ADGRF5: variants seen among roughly 807,000 people sequenced by gnomAD.
ADGRF5 encodes the protein G-protein coupled receptor 116.
In ADGRF5, 75 loss-of-function variants were observed where a neutral mutation model predicts 132.3. The ratio of observed to expected loss-of-function variants is 0.57; its 90% CI spans 0.47 to 0.69. The LOEUF (loss-of-function observed/expected upper bound fraction) is 0.69. Ranked by LOEUF, ADGRF5 falls within the 30% of genes least tolerant of loss-of-function variation. The pLI is 0.00. For synonymous variants in ADGRF5, 629 were observed against 597.6 expected (o/e 1.05, Z -0.77); for missense variants, 1,516 against 1,630.6 (o/e 0.93, Z 1.21).
chr6:46,885,509 G>A (rs995277981), intron 4 of ADGRF5, among the ~76,000 whole-genome samples: 3 of 152,196 alleles, frequency 2.0e-5, no homozygotes, highest in Non-Finnish European at 4.4e-5. Flanking sequence ...AGAAAAACAA[G>A]AGGTCTTGTC....
intron 7 of ADGRF5, 49 bp downstream of exon 7, chr6:46,882,000 T>C (rs753322242): frequency 1.5e-6 from 2 of 1,330,192 alleles, no homozygotes; most frequent in South Asian, 1.2e-5. Flanking sequence ...TTCACTACCA[T>C]ATGGATCCCA....
intron 8 of ADGRF5, 111 bp from the exon 9 acceptor site, chr6:46,880,150 G>A: frequency 1.4e-6 from 1 of 732,894 alleles, no homozygotes; most frequent in Non-Finnish European, 2.3e-6. Context: ...AGCATCTGTG[G>A]TGCTGAACTG....
At chr6:46,899,666 T>G (rs35808428) in intron 3 of ADGRF5, among the ~76,000 whole-genome samples, 19 of 150,690 alleles carry the variant, frequency 1.3e-4, no homozygotes, top group Non-Finnish European at 1.6e-4. Context: ...GTTTTTTTTT[T>G]TGTTTGTTTT....
intron 10 of ADGRF5, 114 bp downstream of exon 10, chr6:46,878,088 A>C (rs887303254): frequency 2.7e-6 from 2 of 730,870 alleles, no homozygotes; most frequent in Non-Finnish European, 4.8e-6. Flanking sequence ...CACAGTCTGA[A>C]ATCCAGAAAA....
At chr6:46,937,540 A>C (rs2150940668) in intron 1 of ADGRF5, among the ~76,000 whole-genome samples, 1 of 152,276 alleles carries the variant, frequency 6.6e-6, no homozygotes, top group South Asian at 2.1e-4. Context: ...ATACATTCCA[A>C]GACCCCCAGT....
At chr6:46,949,895 G>A (rs548528509) in intron 1 of ADGRF5, among the ~76,000 whole-genome samples, 2 of 152,224 alleles carry the variant, frequency 1.3e-5, no homozygotes, top group South Asian at 2.1e-4. Context: ...CATTGTTCTC[G>A]TTTCTTTTTT....
At chr6:46,941,447 A>AAAAGAAAAGAAAAGAAAAG (rs547975546) in intron 1 of ADGRF5, among the ~76,000 whole-genome samples, 2 of 47,870 alleles carry the variant, frequency 4.2e-5, no homozygotes, top group Admixed American at 1.9e-4. Flanking sequence ...AAAAGAAAAG[A>AAAAGAAAAGAAAAGAAAAG]AAAGAAAAGA....
chr6:46,900,204 A>G (rs1774609706), intron 2 of ADGRF5, 121 bp from the exon 3 acceptor site: 3 of 747,866 alleles, frequency 4.0e-6, no homozygotes, highest in South Asian at 1.5e-5. Context: ...TTGGGTTAGC[A>G]CCATGTGTCC....
chr6:46,904,195 A>T (rs560486220), intron 2 of ADGRF5, among the ~76,000 whole-genome samples: 30 of 152,336 alleles, frequency 2.0e-4, no homozygotes, highest in Admixed American at 7.8e-4. Flanking sequence ...AAGCTTGAGA[A>T]GCACTGAGCT....
In ADGRF5 at chr6:46,859,363, G is replaced by C. The variant is rs762277718; in HGVS notation, c.2540C>G (p.Ser847Cys). Residue 847 changes from serine (S) to cysteine (C), a missense_variant, in exon 17 of 21, where the codon TCC becomes TGC. By Grantham distance (112) the Ser-to-Cys change is moderately radical (BLOSUM62 -1). Around this residue, in one of 2 missense-constraint regions of ADGRF5, gnomAD observed 571 missense variants for 701.2 expected, o/e 0.81. Transcript: ENST00000283296. ...GCTGCTCATCTGCACATTAGTTTGG[G>C]AGAAGGACAAAGGAGGGCTATCTCC... is the stretch of plus-strand genomic sequence containing the variant. Reference protein sequence around the residue: ...QSGDSPPLSFSQTNVQMSSMV... With the variant: ...QSGDSPPLSFCQTNVQMSSMV... 36 of 1,613,908 alleles carry C rather than the reference G, an allele frequency of 2.2e-5. No individual in the cohort carries two copies. The highest frequency in any genetic ancestry group is 3.1e-5 in the Non-Finnish European group (36 of 1,179,804).
intron 14 of ADGRF5, among the ~76,000 whole-genome samples, chr6:46,864,761 T>G (rs1770211736): frequency 6.6e-6 from 1 of 152,154 alleles, no homozygotes; most frequent in South Asian, 2.1e-4. Flanking sequence ...CCTGACCTCG[T>G]GATCTGCCCA....
chr6:46,933,177 GT>G (rs1353931141), intron 1 of ADGRF5, among the ~76,000 whole-genome samples: 3 of 152,234 alleles, frequency 2.0e-5, no homozygotes, highest in African/African-American at 7.2e-5. Flanking sequence ...GAGCTCGTGA[GT>G]GAGCTTAGGG....
At position 46,878,206 on chromosome 6, in the gene ADGRF5, A is replaced by G; in HGVS notation, c.1236T>C (p.Ile412=). 1.2e-6 allele frequency: 2 copies of G among 1,604,838 alleles called. No homozygotes were observed. Among genetic ancestry groups the G allele is most frequent in the African/African-American group, 1.3e-5 (1 of 74,818 alleles). The part of the protein sequence containing the change: ...VEWKQEGKIN[I]PGTPETDIDS... ...GGGCTTATCTAACATTCTCACCTGG[A>G]ATATTTATTTTTCCTTCCTGCTTCC... Residue 412 remains isoleucine, a synonymous_variant, in exon 10 of 21, where the codon ATT becomes ATC. Transcript: ENST00000283296.
In ADGRF5 at chr6:46,889,450, T is replaced by C. The variant is rs149170837; in HGVS notation, c.158-945A>G. ...AAGACTATAGTCTTTATATAGTATA[T>C]ATACTAAAGTCTATATATAGTATGC... On this transcript the variant is annotated intron_variant, in intron 3 of 20. Transcript: ENST00000283296. 8.0e-3 allele frequency among the ~76,000 whole-genome samples: 1,182 copies of C among 147,072 alleles called. 58 individuals are homozygous for C. Among genetic ancestry groups the C allele is most frequent in the Admixed American group, 0.074 (1,081 of 14,564 alleles).
chr6:46,922,934 T>C (rs1275872172), upstream of ADGRF5, among the ~76,000 whole-genome samples: 1 of 152,124 alleles, frequency 6.6e-6, no homozygotes, highest in Non-Finnish European at 1.5e-5. Flanking sequence ...GATTCAGTGT[T>C]GTTTTGTTTT....
At chr6:46,898,224 C>T (rs220703) in intron 3 of ADGRF5, among the ~76,000 whole-genome samples, 3 of 152,048 alleles carry the variant, frequency 2.0e-5, no homozygotes, top group Admixed American at 6.5e-5. Flanking sequence ...ATTCCTTTTA[C>T]AGCTGTAGTC....
At position 46,878,293 on chromosome 6, in the gene ADGRF5, G is replaced by C. The variant is rs376482786; in HGVS notation, c.1149C>G (p.Asp383Glu). The C allele has an allele frequency of 1.2e-6, 2 of 1,613,340 alleles. No individual in the cohort carries two copies. Among genetic ancestry groups the C allele is most frequent in the Non-Finnish European group, 1.7e-6 (2 of 1,179,432 alleles). Residue 383 changes from aspartate to glutamate, a missense_variant, in exon 10 of 21, where the codon GAC (aspartate) becomes GAG (glutamate). Physicochemically the swap from Asp to Glu is conservative, Grantham distance 45. Around this residue, in one of 2 missense-constraint regions of ADGRF5, gnomAD observed 945 missense variants for 929.4 expected, o/e 1.02. Transcript: ENST00000283296. ...LANEEMKVMC[D>E]NNPVSLNCCS... The stretch of plus-strand genomic sequence containing the variant: ...AGCAGTTCAAAGATACAGGATTGTT[G>C]TCGCACATCACCTTCATTTCTTCAT...
chr6:46,931,594 C>T (rs760055770), intron 1 of ADGRF5, among the ~76,000 whole-genome samples: 7 of 152,232 alleles, frequency 4.6e-5, no homozygotes, highest in African/African-American at 9.6e-5. Flanking sequence ...TCCCTCCTCT[C>T]GGTCTCCTTA....
intron 1 of ADGRF5, among the ~76,000 whole-genome samples, chr6:46,920,767 G>A (rs546153897): frequency 2.0e-5 from 3 of 151,912 alleles, no homozygotes; most frequent in Admixed American, 2.0e-4. Flanking sequence ...GGAGGTTGAG[G>A]CAGGAGGATC....
Sources: allele counts gnomAD v4.1 joint callset (sites outside exome capture counted in the v4.1 genomes callset), GRCh38; gene constraint gnomAD v4.1.1; regional missense constraint gnomAD v4.1.1; transcripts MANE v1.5; gene names NCBI Gene and HGNC (gene_info 2026-07-23, HGNC 2026-07-21).